Variants in PDGFC observed in about 807,000 individuals in gnomAD.
The protein encoded by PDGFC is platelet-derived growth factor C.
A neutral mutation model predicts 35.5 loss-of-function variants in PDGFC; 12 were observed. The ratio of observed to expected loss-of-function variants is 0.34; its 90% confidence interval spans 0.22 to 0.55. PDGFC has a LOEUF of 0.55. Ranked by LOEUF, PDGFC falls within the 20% of genes least tolerant of loss-of-function variation. The pLI is 0.91. For synonymous variants in PDGFC, 159 were observed against 148.8 expected (o/e 1.07, Z -0.50); for missense variants, 322 against 412.4 (o/e 0.78, Z 1.90).
In PDGFC at chr4:156,932,264, T is replaced by C. The variant is rs573693971; in HGVS notation, c.118+38522A>G. ...ATTCACTTTATGTAGTTAAAGGAAG[T>C]ATAAACTCAGGAACAACACACTCTG... On this transcript the variant is annotated intron_variant, in intron 1 of 5. Coordinates refer to ENST00000502773, the MANE Select transcript of PDGFC (RefSeq NM_016205.3). Among the ~76,000 whole-genome samples the C allele has an allele frequency of 3.9e-5, 6 of 152,218 alleles. No homozygotes were observed. The South Asian group carries it at 1.2e-3, about 32-fold the overall frequency.
At chr4:156,775,269 T>C (rs776187709) in intron 3 of PDGFC, among the ~76,000 whole-genome samples, 14 of 152,128 alleles carry the variant, frequency 9.2e-5, no homozygotes, top group Admixed American at 2.0e-4. Flanking sequence ...TTTTTGCATA[T>C]TTCAAAAATA....
chr4:156,774,401 T>C (rs1730766592), intron 3 of PDGFC: 1 of 152,196 alleles, frequency 6.6e-6, no homozygotes, highest in Admixed American at 6.5e-5. Flanking sequence ...AAAATCCAAT[T>C]CATCCATGAA....
rs182329627 is a variant in PDGFC, at chr4:156,840,766, A to G, written c.314+9455T>C. Among the ~76,000 whole-genome samples, 240 of 152,310 alleles carry G rather than the reference A, an allele frequency of 1.6e-3. 1 individual carries two copies. Among genetic ancestry groups the G allele is most frequent in the African/African-American group, 5.3e-3 (219 of 41,584 alleles). On this transcript the variant is annotated intron_variant, in intron 2 of 5. Coordinates refer to ENST00000502773, the MANE Select transcript of PDGFC (RefSeq NM_016205.3). ...GGGCAGAGCTGCCCAAGGCCATGCG[A>G]GTTCACGTCTTGCATCAGCATGATC... is the stretch of plus-strand genomic sequence containing the variant.
chr4:156,891,275 G>A (rs893116566), intron 1 of PDGFC, among the ~76,000 whole-genome samples: 3 of 83,916 alleles, frequency 3.6e-5, no homozygotes, highest in East Asian at 8.0e-4. Flanking sequence ...GCGAGACTCC[G>A]TCTCAAAAAA....
intron 1 of PDGFC, among the ~76,000 whole-genome samples, chr4:156,945,581 C>T (rs1352397446): frequency 2.0e-5 from 3 of 151,782 alleles, no homozygotes; most frequent in Non-Finnish European, 4.4e-5. Context: ...AGATCACTCT[C>T]TCTCAAAGAG....
At chr4:156,963,562 T>C (rs1732391832) in intron 1 of PDGFC, among the ~76,000 whole-genome samples, 1 of 151,852 alleles carries the variant, frequency 6.6e-6, no homozygotes, top group Non-Finnish European at 1.5e-5. Flanking sequence ...TTAAGTGGAA[T>C]AGCAAGAGAG....
chr4:156,809,546 T>C (rs191897009), intron 3 of PDGFC, among the ~76,000 whole-genome samples: 6 of 152,150 alleles, frequency 3.9e-5, no homozygotes, highest in Admixed American at 3.9e-4. Flanking sequence ...GAGACTATTA[T>C]GTGCTCAGAA....
intron 1 of PDGFC, among the ~76,000 whole-genome samples, chr4:156,881,038 T>C (rs957414538): frequency 2.0e-5 from 3 of 152,138 alleles, no homozygotes; most frequent in African/African-American, 7.2e-5. Context: ...TTACTATAGG[T>C]GAAATGTTGT....
rs188550021 is a variant in PDGFC, at chr4:156,793,498, G to A, written c.495+17339C>T. Among the ~76,000 whole-genome samples the A allele has an allele frequency of 1.6e-3, 232 of 143,730 alleles. 1 individual carries two copies. Among genetic ancestry groups the A allele is most frequent in the African/African-American group, 5.4e-3 (212 of 39,218 alleles). The allele number at this position is 143,730 out of a possible 152,430, so 94.3% of individuals were successfully genotyped here. On this transcript the variant is annotated intron_variant, in intron 3 of 5. Transcript: ENST00000502773. ...AAAAAAAACAATTTCATATAGTAAGGTTAAGTACTATTTTATAATACATAT... is the reference window on the plus strand; with the variant it reads ...AAAAAAAACAATTTCATATAGTAAGATTAAGTACTATTTTATAATACATAT...
At chr4:156,923,508 A>T (rs1312567619) in intron 1 of PDGFC, among the ~76,000 whole-genome samples, 1 of 148,626 alleles carries the variant, frequency 6.7e-6, no homozygotes, top group Non-Finnish European at 1.5e-5. Context: ...AACTAAAGGA[A>T]ATGTTGTAGA....
Position 156,872,194 on chromosome 4 carries a change from T to G in PDGFC, c.119-21778A>C, listed in dbSNP as rs561065259. 5.9e-5 allele frequency among the ~76,000 whole-genome samples: 9 copies of G among 152,312 alleles called. No individual in the cohort carries two copies. In the South Asian group the frequency reaches 1.9e-3, roughly 32 times the overall value. On this transcript the variant is annotated intron_variant, in intron 1 of 5. Transcript: ENST00000502773. ...GTCATTTAGTGTGCTTGCCATTTAA[T>G]ATATGCTAATATAATATACTTAAAT... is the stretch of plus-strand genomic sequence containing the variant.
At chr4:156,931,030 T>G (rs1731537945) in intron 1 of PDGFC, among the ~76,000 whole-genome samples, 1 of 152,174 alleles carries the variant, frequency 6.6e-6, no homozygotes, top group Admixed American at 6.5e-5. Flanking sequence ...TTTTTCCTGC[T>G]ACCTATTGTT....
chr4:156,910,362 T>G (rs1731010554), intron 1 of PDGFC, among the ~76,000 whole-genome samples: 1 of 152,126 alleles, frequency 6.6e-6, no homozygotes, highest in Admixed American at 6.6e-5. Flanking sequence ...CATGCTGCAT[T>G]TATCAATAAC....
chr4:156,811,799 A>G (rs1228728592), intron 2 of PDGFC, among the ~76,000 whole-genome samples: 1 of 152,124 alleles, frequency 6.6e-6, no homozygotes, highest in Non-Finnish European at 1.5e-5. Context: ...GCCCCATGAC[A>G]GACTGTTTCA....
Position 156,923,954 on chromosome 4 carries a change from T to C in PDGFC, c.118+46832A>G, listed in dbSNP as rs538975058. Among the ~76,000 whole-genome samples the C allele has an allele frequency of 7.2e-5, 11 of 152,030 alleles. No homozygotes were observed. The East Asian group carries it at 9.7e-4, about 13-fold the overall frequency. On this transcript the variant is annotated intron_variant, in intron 1 of 5. Coordinates refer to ENST00000502773, the MANE Select transcript of PDGFC (RefSeq NM_016205.3). ...CAGCTGTGTGTGGTGGGGAAGGAAA[T>C]AGTAAAAAAGACTGCCACTGGGAAT... is the stretch of plus-strand genomic sequence containing the variant.
rs541218731 is a variant in PDGFC at position 156,925,063 on chromosome 4, T to TA, written c.118+45722dup. Among the ~76,000 whole-genome samples the TA allele has an allele frequency of 2.1e-3, 320 of 152,150 alleles. 3 individuals are homozygous for TA. Among genetic ancestry groups the TA allele is most frequent in the Non-Finnish European group, 2.2e-3 (149 of 67,992 alleles). ...TCTAAATTGAAAGAATAATCAGAGA[T>TA]AAAAGATTCCAGACTGAGGAAATCA... On this transcript the variant is annotated intron_variant, in intron 1 of 5. Coordinates refer to ENST00000502773, the MANE Select transcript of PDGFC (RefSeq NM_016205.3).
At chr4:156,769,379 T>C (rs1281669550) in intron 4 of PDGFC, among the ~76,000 whole-genome samples, 2 of 151,926 alleles carry the variant, frequency 1.3e-5, no homozygotes, top group African/African-American at 2.4e-5. Flanking sequence ...TTATATTGTC[T>C]TAATTGTCTT....
At chr4:156,843,284 C>T (rs774085263) in intron 2 of PDGFC, among the ~76,000 whole-genome samples, 2 of 152,216 alleles carry the variant, frequency 1.3e-5, no homozygotes, top group Non-Finnish European at 2.9e-5. Context: ...GCCAGATACA[C>T]AATCTGCTGG....
intron 2 of PDGFC, among the ~76,000 whole-genome samples, chr4:156,815,365 C>A (rs1220579874): frequency 6.9e-6 from 1 of 145,508 alleles, no homozygotes; most frequent in Non-Finnish European, 1.5e-5. Context: ...CACACACACA[C>A]ACCCCGTTGT....
Sources: gnomAD v4.1 joint callset for allele counts (sites outside exome capture counted in the v4.1 genomes callset) on GRCh38, gnomAD v4.1.1 for gene constraint, MANE v1.5 for transcripts, NCBI Gene and HGNC (gene_info 2026-07-23, HGNC 2026-07-21) for gene names.